Variants in ZPBP observed in about 807,000 individuals in gnomAD.
ZPBP encodes zona pellucida-binding protein 1.
In ZPBP, 26 loss-of-function variants were observed where a neutral mutation model predicts 44.8. The ratio of observed to expected loss-of-function variants is 0.58; its 90% CI spans 0.43 to 0.81. ZPBP has a LOEUF of 0.81. Among genes scored for constraint, ZPBP ranks in the 30% least tolerant of loss-of-function variants. The pLI, the probability that ZPBP is intolerant of heterozygous loss-of-function variation, is 0.00. For missense variants in ZPBP, 409 were observed against 434.0 expected (o/e 0.94, Z 0.51); for synonymous variants, 174 against 153.2 (o/e 1.14, Z -1.00).
At position 50,001,075 on chromosome 7, in the gene ZPBP, T is replaced by C. The variant is rs533976496; in HGVS notation, c.783+17165A>G. Among the ~76,000 whole-genome samples, 4 of 152,238 alleles carry C rather than the reference T, an allele frequency of 2.6e-5. No homozygotes were observed. The East Asian group carries it at 7.7e-4, about 29-fold the overall frequency. ...ACAGGCCCTTGGCAGAAACCAACCC[T>C]GCCAACACCCTGATCGTGCTCTTCT... On this transcript the variant is annotated intron_variant, in intron 6 of 7. Transcript: ENST00000046087.
At chr7:49,983,591 G>C in intron 6 of ZPBP, 72 bp from the exon 7 acceptor site, 1 of 957,294 alleles carries the variant, frequency 1.0e-6, no homozygotes. Flanking sequence ...AAGGATGCAT[G>C]TGGATTTAGA....
chr7:49,976,222 T>A (rs944689603), intron 7 of ZPBP, among the ~76,000 whole-genome samples: 1 of 152,240 alleles, frequency 6.6e-6, no homozygotes, highest in Non-Finnish European at 1.5e-5. Context: ...TTTATTTACA[T>A]TTATCTCTAT....
intron 5 of ZPBP, among the ~76,000 whole-genome samples, chr7:50,026,655 A>G (rs920114034): frequency 1.2e-4 from 19 of 152,046 alleles, no homozygotes; most frequent in African/African-American, 4.6e-4. Flanking sequence ...AAAATTAGCT[A>G]TGAGCTAAAG....
intron 7 of ZPBP, among the ~76,000 whole-genome samples, chr7:49,966,869 G>A (rs1796084616): frequency 6.6e-6 from 1 of 152,070 alleles, no homozygotes; most frequent in Non-Finnish European, 1.5e-5. Context: ...ATCTAATGGT[G>A]TAAATTCCCA....
intron 7 of ZPBP, among the ~76,000 whole-genome samples, chr7:49,961,740 T>TA (rs772333641): frequency 2.6e-4 from 40 of 152,134 alleles, no homozygotes; most frequent in East Asian, 2.1e-3. Context: ...TTAATTAGGA[T>TA]AAAAAATCTA....
intron 1 of ZPBP, among the ~76,000 whole-genome samples, chr7:49,927,095 G>A (rs933078295): frequency 2.6e-5 from 4 of 152,142 alleles, no homozygotes; most frequent in Admixed American, 6.5e-5. Context: ...TACCAACCCC[G>A]CCTATATTGA....
At chr7:49,841,853 G>A in the ZPBP span, among the ~76,000 whole-genome samples, 14 of 152,100 alleles carry the variant, frequency 9.2e-5, no homozygotes, top group Admixed American at 6.5e-4. Context: ...CCTAGGAGGA[G>A]AATGTTGTAA....
At chr7:49,895,156 G>A (rs1472571632) in intron 2 of ZPBP, among the ~76,000 whole-genome samples, 1 of 152,174 alleles carries the variant, frequency 6.6e-6, no homozygotes, top group Non-Finnish European at 1.5e-5. Flanking sequence ...TTTGGAGAGG[G>A]CCTGTTCAAT....
In ZPBP at chr7:49,856,964, C is replaced by T. The variant is rs370540103; in HGVS notation, n.510-6450G>A. 1.9e-3 allele frequency among the ~76,000 whole-genome samples: 232 copies of T among 124,576 alleles called. 4 individuals carry two copies. The highest frequency in any genetic ancestry group is 6.7e-3 in the African/African-American group (214 of 31,852). The allele number at this position is 124,576 out of a possible 152,430, so 81.7% of individuals were successfully genotyped here. A position where few individuals can be genotyped will look rare whatever the true frequency, so the allele number is the denominator to read the frequency against. On this transcript the variant is annotated intron_variant and non_coding_transcript_variant, in intron 2 of 2. Transcript: ENST00000465922. ...GGTGGAGCTTTCAGTGAGCTGAGAT[C>T]GGGCCACTGCACTCCAACCTGGGTG...
chr7:49,898,714 A>G (rs577979446), intron 2 of ZPBP, among the ~76,000 whole-genome samples: 33 of 152,234 alleles, frequency 2.2e-4, no homozygotes, highest in African/African-American at 7.2e-4. Context: ...AAAAAGAAGA[A>G]TTAGGTTTAT....
chr7:49,981,495 A>C (rs1274429441), intron 7 of ZPBP, among the ~76,000 whole-genome samples: 1 of 58,318 alleles, frequency 1.7e-5, no homozygotes, highest in Non-Finnish European at 2.9e-5. Flanking sequence ...TATTATATAT[A>C]ATATAAATTA....
At chr7:49,911,940 CACACACAT>C (rs2128743263) in intron 1 of ZPBP, 7 of 989,442 alleles carry the variant, frequency 7.1e-6, no homozygotes, top group Non-Finnish European at 6.8e-6. Context: ...CACACACACA[CACACACAT>C]ATATATACTG....
At chr7:50,067,530 G>T (rs1354921127) in intron 3 of ZPBP, among the ~76,000 whole-genome samples, 1 of 152,140 alleles carries the variant, frequency 6.6e-6, no homozygotes, top group Non-Finnish European at 1.5e-5. Context: ...AGTCACCACT[G>T]TATACCTAGC....
intron 2 of ZPBP, among the ~76,000 whole-genome samples, chr7:49,872,243 C>G (rs188408637): frequency 6.6e-6 from 1 of 152,060 alleles, no homozygotes; most frequent in East Asian, 1.9e-4. Flanking sequence ...GGTGGAGAGA[C>G]AGAGGGGCTA....
At chr7:49,889,800 C>T (rs1477037698) in intron 2 of ZPBP, among the ~76,000 whole-genome samples, 1 of 152,092 alleles carries the variant, frequency 6.6e-6, no homozygotes, top group Admixed American at 6.6e-5. Context: ...TTCAAATAGT[C>T]CAAGTTGGTC....
At chr7:49,894,646 G>GTGT (rs2128731971) in intron 2 of ZPBP, among the ~76,000 whole-genome samples, 2 of 152,364 alleles carry the variant, frequency 1.3e-5, no homozygotes, top group South Asian at 4.1e-4. Flanking sequence ...CTGCAGTGCT[G>GTGT]TGTTGGCTCC....
Position 50,081,569 on chromosome 7 carries a change from CA to C in ZPBP, c.334+204del, listed in dbSNP as rs3840565. On this transcript the variant is annotated intron_variant, in intron 3 of 7. Transcript: ENST00000046087. ...TGCTTTGAGAACCCCCCAAACAGTTCATTCTTAGAGTATGTCCCTGTATCAA... is the reference window on the plus strand; with the variant it reads ...TGCTTTGAGAACCCCCCAAACAGTTCTTCTTAGAGTATGTCCCTGTATCAA... 4.7e-3 allele frequency among the ~76,000 whole-genome samples: 716 copies of C among 151,864 alleles called. 17 individuals carry two copies. The South Asian group carries it at 0.068, about 14-fold the overall frequency.
chr7:50,057,787 G>GA (rs1431739466), intron 4 of ZPBP, among the ~76,000 whole-genome samples: 1 of 151,902 alleles, frequency 6.6e-6, no homozygotes, highest in Non-Finnish European at 1.5e-5. Context: ...TTCCCCTGAA[G>GA]AAAAAAAGAC....
intron 2 of ZPBP, among the ~76,000 whole-genome samples, chr7:49,867,046 C>A (rs1027523900): frequency 3.3e-5 from 5 of 152,176 alleles, no homozygotes; most frequent in African/African-American, 1.2e-4. Flanking sequence ...ATCTTTGTAA[C>A]CATCTCGTTA....
Sources: gnomAD v4.1 joint callset for allele counts (sites outside exome capture counted in the v4.1 genomes callset) on GRCh38, gnomAD v4.1.1 for gene constraint, MANE v1.5 for transcripts, NCBI Gene and HGNC (gene_info 2026-07-23, HGNC 2026-07-21) for gene names.